Variants in CSMD1 observed in about 807,000 individuals in gnomAD.
The protein encoded by CSMD1 is CUB and Sushi multiple domains 1.
A neutral mutation model predicts 417.5 loss-of-function variants in CSMD1; 213 were observed. The observed-to-expected ratio is 0.51, with a 90% CI of 0.46 to 0.57. The LOEUF (loss-of-function observed/expected upper bound fraction) is 0.57. CSMD1 is among the 20% of genes least tolerant of loss of function. CSMD1 has a pLI of 0.00. For missense variants in CSMD1, 6,923 were observed against 4,529.7 expected, an observed-to-expected ratio of 1.53 and a Z score of -15.17; for synonymous variants, 2,862 against 1,736.8, an observed-to-expected ratio of 1.65 and a Z score of -16.11.
intron 17 of CSMD1, among the ~76,000 whole-genome samples, chr8:3,390,739 C>G (rs1585094205): frequency 6.6e-6 from 1 of 151,802 alleles, no homozygotes; most frequent in African/African-American, 2.4e-5. Context: ...GATTACTTTG[C>G]AAATAATCCG....
intron 54 of CSMD1, among the ~76,000 whole-genome samples, chr8:2,993,816 C>T (rs1806623859): frequency 6.6e-6 from 1 of 151,868 alleles, no homozygotes; most frequent in South Asian, 2.1e-4. Flanking sequence ...GAGTTACTCC[C>T]CTGCATTGAA....
intron 3 of CSMD1, among the ~76,000 whole-genome samples, chr8:4,098,491 T>A (rs1470157840): frequency 6.6e-6 from 1 of 152,142 alleles, no homozygotes; most frequent in East Asian, 1.9e-4. Context: ...GCTCCTGTGT[T>A]TTAGTTTTAG....
At chr8:4,014,495 G>A (rs892880126) in intron 4 of CSMD1, among the ~76,000 whole-genome samples, 1 of 152,126 alleles carries the variant, frequency 6.6e-6, no homozygotes, top group African/African-American at 2.4e-5. Context: ...GGCTTCTTTT[G>A]ATGTCTGTTC....
chr8:4,155,257 G>C (rs979964683), intron 3 of CSMD1, among the ~76,000 whole-genome samples: 3 of 152,306 alleles, frequency 2.0e-5, no homozygotes, highest in Non-Finnish European at 2.9e-5. Flanking sequence ...GCAGCAGAGA[G>C]GTGAATAAGT....
intron 1 of CSMD1, among the ~76,000 whole-genome samples, chr8:4,781,376 T>A (rs1270673554): frequency 1.3e-5 from 2 of 152,182 alleles, no homozygotes; most frequent in Non-Finnish European, 2.9e-5. Context: ...ATCACTCTCT[T>A]CTCTATAGTC....
intron 3 of CSMD1, among the ~76,000 whole-genome samples, chr8:4,381,613 C>T (rs560974972): frequency 6.6e-6 from 1 of 152,222 alleles, no homozygotes; most frequent in South Asian, 2.1e-4. Context: ...CCGCCCTGAA[C>T]ACCCACTGAT....
At chr8:3,577,795 C>G (rs1350224458) in intron 9 of CSMD1, among the ~76,000 whole-genome samples, 2 of 152,156 alleles carry the variant, frequency 1.3e-5, no homozygotes, top group Non-Finnish European at 2.9e-5. Context: ...GATGATGCGC[C>G]CCCTATTTGG....
At chr8:3,705,513 C>A (rs1163135263) in intron 7 of CSMD1, among the ~76,000 whole-genome samples, 1 of 152,182 alleles carries the variant, frequency 6.6e-6, no homozygotes, top group African/African-American at 2.4e-5. Flanking sequence ...GCTGTCACTT[C>A]TTTTACTCCC....
chr8:4,257,147 C>A (rs1479976888), intron 3 of CSMD1, among the ~76,000 whole-genome samples: 11 of 152,196 alleles, frequency 7.2e-5, no homozygotes, highest in African/African-American at 2.6e-4. Context: ...TTACCTAGGG[C>A]AAATTACTAA....
chr8:4,917,159 G>A (rs1231854486), intron 1 of CSMD1, among the ~76,000 whole-genome samples: 1 of 152,178 alleles, frequency 6.6e-6, no homozygotes, highest in Non-Finnish European at 1.5e-5. Context: ...GTCCTACTTG[G>A]CTGGAGCAGG....
At chr8:3,755,290 C>T (rs758489729) in intron 5 of CSMD1, among the ~76,000 whole-genome samples, 1 of 152,124 alleles carries the variant, frequency 6.6e-6, no homozygotes, top group Non-Finnish European at 1.5e-5. Context: ...CTCTGTTACC[C>T]ATTGTATAAA....
At chr8:4,574,196 G>T (rs1176772040) in intron 2 of CSMD1, among the ~76,000 whole-genome samples, 2 of 152,134 alleles carry the variant, frequency 1.3e-5, no homozygotes, top group African/African-American at 4.8e-5. Context: ...CAGCTAGCTC[G>T]GTATCTGTCT....
chr8:4,616,785 T>G (rs1313958492), intron 2 of CSMD1, among the ~76,000 whole-genome samples: 1 of 152,216 alleles, frequency 6.6e-6, no homozygotes, highest in Non-Finnish European at 1.5e-5. Flanking sequence ...CTTCCTTATT[T>G]GTAGAATCCA....
chr8:3,226,101 C>T (rs187122242), intron 27 of CSMD1, among the ~76,000 whole-genome samples: 2 of 152,246 alleles, frequency 1.3e-5, no homozygotes, highest in African/African-American at 2.4e-5. Context: ...ATGTTCACAC[C>T]GTTGGGGGCG....
intron 5 of CSMD1, among the ~76,000 whole-genome samples, chr8:3,832,245 C>T (rs977566130): frequency 2.6e-5 from 4 of 152,170 alleles, no homozygotes; most frequent in Admixed American, 2.6e-4. Flanking sequence ...TGAAGTCCTG[C>T]GCTTCCCTGC....
At chr8:3,758,587 C>T (rs765544743) in intron 5 of CSMD1, among the ~76,000 whole-genome samples, 12 of 152,094 alleles carry the variant, frequency 7.9e-5, no homozygotes, top group Non-Finnish European at 1.2e-4. Context: ...TTACAAACTA[C>T]GTAATTTAAA....
intron 8 of CSMD1, among the ~76,000 whole-genome samples, chr8:3,593,353 G>C (rs1800945841): frequency 6.6e-6 from 1 of 152,242 alleles, no homozygotes; most frequent in Non-Finnish European, 1.5e-5. Context: ...AGAGTCTGGA[G>C]AAGGTGGGAG....
At chr8:4,020,645 T>C (rs1464712642) in intron 4 of CSMD1, among the ~76,000 whole-genome samples, 2 of 152,188 alleles carry the variant, frequency 1.3e-5, no homozygotes, top group Admixed American at 1.3e-4. Flanking sequence ...TTCTTTATTT[T>C]TTCTTACTTA....
chr8:4,197,236 G>A (rs1165449267), intron 3 of CSMD1, among the ~76,000 whole-genome samples: 1 of 152,136 alleles, frequency 6.6e-6, no homozygotes, highest in Non-Finnish European at 1.5e-5. Context: ...GTTATTCACA[G>A]ATAATTTCGT....
Sources: gnomAD v4.1 joint callset for allele counts (sites outside exome capture counted in the v4.1 genomes callset) on GRCh38, gnomAD v4.1.1 for gene constraint, MANE v1.5 for transcripts, NCBI Gene and HGNC (gene_info 2026-07-23, HGNC 2026-07-21) for gene names.